The following TMEM132C variants were observed in gnomAD, a reference collection of about 807,000 sequenced individuals.
The protein encoded by TMEM132C is transmembrane protein 132C.
In TMEM132C, 29 loss-of-function variants were observed where a neutral mutation model predicts 61.4. The ratio of observed to expected loss-of-function variants is 0.47; its 90% confidence interval spans 0.35 to 0.64. TMEM132C has a LOEUF of 0.64. Among genes scored for constraint, TMEM132C ranks in the 30% least tolerant of loss-of-function variants. The probability of loss-of-function intolerance (pLI) is 0.00; values close to 1 mark genes in which losing one functional copy is unlikely to be tolerated. For missense variants in TMEM132C, 1,408 were observed against 1,476.9 expected, an observed-to-expected ratio of 0.95 and a Z score of 0.76; for synonymous variants, 656 against 633.1, an observed-to-expected ratio of 1.04 and a Z score of -0.54.
intron 3 of TMEM132C, among the ~76,000 whole-genome samples, chr12:128,609,910 G>T (rs191940039): frequency 2.0e-5 from 3 of 152,178 alleles, no homozygotes; most frequent in African/African-American, 7.2e-5. Flanking sequence ...GCCTTCCTTT[G>T]CTCCCACCTA....
chr12:128,602,872 C>G (rs771461407), intron 3 of TMEM132C, among the ~76,000 whole-genome samples: 1 of 152,220 alleles, frequency 6.6e-6, no homozygotes, highest in Non-Finnish European at 1.5e-5. Context: ...CAGCAAAGTG[C>G]AGAGGAGACT....
At chr12:128,640,897 G>GCACACACACA (rs984506160) in intron 4 of TMEM132C, among the ~76,000 whole-genome samples, 1 of 151,840 alleles carries the variant, frequency 6.6e-6, no homozygotes, top group Non-Finnish European at 1.5e-5. Context: ...TCACACACAC[G>GCACACACACA]CACACACACA....
At chr12:128,684,055 C>T (rs1954656105) in intron 5 of TMEM132C, among the ~76,000 whole-genome samples, 1 of 152,146 alleles carries the variant, frequency 6.6e-6, no homozygotes, top group Admixed American at 6.5e-5. Flanking sequence ...CGTCTTCCCC[C>T]ATATCTCCGG....
At position 128,419,243 on chromosome 12, in the gene TMEM132C, C is replaced by T. The variant is rs188471242; in HGVS notation, c.974+3623C>T. Among the ~76,000 whole-genome samples, 244 of 152,282 alleles carry T rather than the reference C, an allele frequency of 1.6e-3. 1 individual carries two copies. Among genetic ancestry groups the T allele is most frequent in the Middle Eastern group, 6.8e-3 (2 of 294 alleles). On this transcript the variant is annotated intron_variant, in intron 2 of 8. Transcript: ENST00000435159. The stretch of plus-strand genomic sequence containing the variant: ...AAGAAACCAATAGGTATTTGGGCAC[C>T]GTCTGCCTTAAGCTAGATAACATCC...
At chr12:128,689,731 A>G (rs759743259) in intron 5 of TMEM132C, among the ~76,000 whole-genome samples, 6 of 152,196 alleles carry the variant, frequency 3.9e-5, no homozygotes, top group Non-Finnish European at 7.3e-5. Context: ...AATGATTACC[A>G]TCATGAGCGG....
At chr12:128,431,872 G>A (rs950943414) in intron 2 of TMEM132C, among the ~76,000 whole-genome samples, 2 of 152,056 alleles carry the variant, frequency 1.3e-5, no homozygotes, top group African/African-American at 4.8e-5. Flanking sequence ...ACAATGCCTG[G>A]CTTTAAAGCT....
chr12:128,334,094 A>G (rs1292927735), intron 1 of TMEM132C, among the ~76,000 whole-genome samples: 2 of 152,058 alleles, frequency 1.3e-5, no homozygotes, highest in African/African-American at 4.8e-5. Flanking sequence ...GTTCTCAGGA[A>G]TCTCTCCACC....
chr12:128,686,112 G>C (rs1954674465), intron 5 of TMEM132C, among the ~76,000 whole-genome samples: 1 of 142,556 alleles, frequency 7.0e-6, no homozygotes, highest in South Asian at 2.2e-4. Context: ...GTGTGCATGT[G>C]TGTGTGCATG....
chr12:128,393,906 G>A (rs953728982), intron 1 of TMEM132C, among the ~76,000 whole-genome samples: 5 of 152,206 alleles, frequency 3.3e-5, no homozygotes, highest in Middle Eastern at 3.2e-3. Context: ...GTAGCTCCCG[G>A]CCTGGATATT....
rs1396714744 is a variant in TMEM132C, at chr12:128,267,411, C to G, written c.9C>G (p.Ser3=). 1.5e-5 allele frequency: 18 copies of G among 1,215,328 alleles called. No individual in the cohort carries two copies. Among genetic ancestry groups the G allele is most frequent in the Admixed American group, 8.9e-5 (2 of 22,526 alleles). 75.3% of individuals were successfully genotyped at this position (1,215,328 alleles called of 1,614,324 possible). A position where few individuals can be genotyped will look rare whatever the true frequency, so the allele number is the denominator to read the frequency against. MR[S]EGAAPGPAAP... Reference sequence around the variant, plus strand: ...AGCGGCCGGGACGCAGGATGCGCTCCGAGGGTGCGGCCCCCGGGCCGGCGG... The same window carrying G: ...AGCGGCCGGGACGCAGGATGCGCTCGGAGGGTGCGGCCCCCGGGCCGGCGG... Residue 3 remains serine, a synonymous_variant, in exon 1 of 9, where the codon TCC becomes TCG. Transcript: ENST00000435159.
rs533006167 is a variant in TMEM132C at position 128,331,907 on chromosome 12, A to G, written c.85+64420A>G. ...GTTGTGGTTGAATCCATTAACCACA[A>G]GCAACAAAGTTGCTTCAAACATTTT... On this transcript the variant is annotated intron_variant, in intron 1 of 8. Coordinates refer to ENST00000435159, the MANE Select transcript of TMEM132C (RefSeq NM_001136103.3). Among the ~76,000 whole-genome samples, 11 of 152,368 alleles carry G rather than the reference A, an allele frequency of 7.2e-5. 1 individual carries two copies. The highest frequency in any genetic ancestry group is 2.4e-4 in the African/African-American group (10 of 41,586).
At chr12:128,548,575 C>T (rs898143391) in intron 3 of TMEM132C, among the ~76,000 whole-genome samples, 5 of 152,210 alleles carry the variant, frequency 3.3e-5, no homozygotes, top group African/African-American at 1.2e-4. Flanking sequence ...TTAACCTAAT[C>T]ACATCTACCA....
intron 3 of TMEM132C, among the ~76,000 whole-genome samples, chr12:128,567,648 T>G (rs754150647): frequency 4.6e-5 from 7 of 152,216 alleles, no homozygotes; most frequent in Non-Finnish European, 5.9e-5. Context: ...TCCTCCACTT[T>G]AAGGTGTTTT....
chr12:128,551,742 G>A (rs938980054), intron 3 of TMEM132C, among the ~76,000 whole-genome samples: 7 of 152,076 alleles, frequency 4.6e-5, no homozygotes, highest in African/African-American at 1.4e-4. Flanking sequence ...AGCATCTTCC[G>A]CCTCCCCCTT....
At chr12:128,453,115 G>A in intron 2 of TMEM132C, among the ~76,000 whole-genome samples, 1 of 152,168 alleles carries the variant, frequency 6.6e-6, no homozygotes, top group East Asian at 1.9e-4. Context: ...TGATTCTTTA[G>A]TGACTGCAGT....
chr12:128,424,791 C>T (rs551551747), intron 2 of TMEM132C, among the ~76,000 whole-genome samples: 8 of 152,308 alleles, frequency 5.3e-5, no homozygotes, highest in Admixed American at 3.3e-4. Context: ...ACTAACTACA[C>T]GTTGAACATT....
intron 1 of TMEM132C, among the ~76,000 whole-genome samples, chr12:128,408,689 G>A (rs1322413182): frequency 6.6e-6 from 1 of 152,188 alleles, no homozygotes; most frequent in Admixed American, 6.5e-5. Flanking sequence ...GAAATTAGGG[G>A]GTTAAAATGG....
intron 1 of TMEM132C, among the ~76,000 whole-genome samples, chr12:128,383,642 C>T (rs1231353937): frequency 6.6e-6 from 1 of 152,188 alleles, no homozygotes; most frequent in Admixed American, 6.5e-5. Context: ...TCTATTTCCC[C>T]TTCCCCAGTC....
At chr12:128,653,764 A>G (rs1018658077) in intron 4 of TMEM132C, among the ~76,000 whole-genome samples, 3 of 152,192 alleles carry the variant, frequency 2.0e-5, no homozygotes, top group Admixed American at 2.0e-4. Flanking sequence ...GCTCAAAATC[A>G]TGGTGAGGTG....
Sources: allele counts gnomAD v4.1 joint callset (sites outside exome capture counted in the v4.1 genomes callset), GRCh38; gene constraint gnomAD v4.1.1; transcripts MANE v1.5; gene names NCBI Gene and HGNC (gene_info 2026-07-23, HGNC 2026-07-21).